The following SPAG16 variants were observed in gnomAD, a reference collection of about 807,000 sequenced individuals.
SPAG16 encodes the protein sperm-associated antigen 16 protein.
A neutral mutation model predicts 80.4 loss-of-function variants in SPAG16; 86 were observed. That is an observed-to-expected ratio of 1.07 (90% CI 0.90 to 1.28). The LOEUF is 1.28. Ranked by LOEUF, SPAG16 falls within the 50% of genes most tolerant of loss-of-function variation. SPAG16 has a pLI of 0.00. For synonymous variants in SPAG16, 294 were observed against 265.9 expected, an observed-to-expected ratio of 1.11 and a Z score of -1.03; for missense variants, 870 against 765.3, an observed-to-expected ratio of 1.14 and a Z score of -1.61.
chr2:213,374,414 G>A (rs1167415133), intron 8 of SPAG16, among the ~76,000 whole-genome samples: 1 of 151,946 alleles, frequency 6.6e-6, no homozygotes. Flanking sequence ...GTGGAAATAT[G>A]TGTACTTATA....
intron 12 of SPAG16, among the ~76,000 whole-genome samples, chr2:213,964,300 AATC>A (rs1158631292): frequency 1.3e-5 from 2 of 152,138 alleles, no homozygotes; most frequent in Non-Finnish European, 2.9e-5. Flanking sequence ...TACCTTTTAT[AATC>A]ATCTCTATTT....
intron 15 of SPAG16, among the ~76,000 whole-genome samples, chr2:214,408,398 G>A (rs1702115756): frequency 6.6e-6 from 1 of 152,118 alleles, no homozygotes; most frequent in Admixed American, 6.6e-5. Context: ...TGTCAGCAAA[G>A]ACTTAGTAGA....
At chr2:213,344,527 C>A (rs547808742) in intron 6 of SPAG16, among the ~76,000 whole-genome samples, 1 of 152,270 alleles carries the variant, frequency 6.6e-6, no homozygotes, top group East Asian at 1.9e-4. Context: ...TATCCCTCTC[C>A]ACTTCCCACA....
intron 10 of SPAG16, among the ~76,000 whole-genome samples, chr2:213,522,473 G>A: frequency 6.6e-6 from 1 of 152,192 alleles, no homozygotes. Context: ...CAAAGCCTCA[G>A]GCAATCCAGT....
chr2:214,401,681 T>G (rs541140056), intron 15 of SPAG16, among the ~76,000 whole-genome samples: 4 of 152,012 alleles, frequency 2.6e-5, no homozygotes, highest in African/African-American at 7.2e-5. Context: ...TGCTTCTATT[T>G]CTTATAACAA....
intron 10 of SPAG16, among the ~76,000 whole-genome samples, chr2:213,603,572 C>T (rs369398147): frequency 1.3e-5 from 2 of 152,142 alleles, no homozygotes; most frequent in Non-Finnish European, 2.9e-5. Flanking sequence ...TTGCTTTTTA[C>T]ACTTAGATCT....
chr2:213,402,661 G>T (rs948365719), intron 9 of SPAG16, among the ~76,000 whole-genome samples: 13 of 150,824 alleles, frequency 8.6e-5, no homozygotes, highest in African/African-American at 3.2e-4. Flanking sequence ...CCACTTATGA[G>T]TGAGAACATG....
chr2:214,063,614 T>C (rs1490504132), intron 13 of SPAG16, among the ~76,000 whole-genome samples: 1 of 152,138 alleles, frequency 6.6e-6, no homozygotes, highest in Non-Finnish European at 1.5e-5. Context: ...TACTATCACA[T>C]GAGCAATTAG....
intron 15 of SPAG16, among the ~76,000 whole-genome samples, chr2:214,190,639 G>A (rs1372167418): frequency 6.6e-6 from 1 of 152,040 alleles, no homozygotes; most frequent in Non-Finnish European, 1.5e-5. Context: ...ACCCCCAAAT[G>A]TGATGGTTTT....
chr2:214,302,697 G>GGACTT lies in SPAG16; in HGVS notation c.1721-107440_1721-107436dup, dbSNP rs546866523. Among the ~76,000 whole-genome samples the GGACTT allele has an allele frequency of 2.1e-3, 322 of 152,234 alleles. 4 individuals are homozygous for GGACTT. The highest frequency in any genetic ancestry group is 7.4e-3 in the African/African-American group (306 of 41,540). On this transcript the variant is annotated intron_variant, in intron 15 of 15. Coordinates refer to ENST00000331683, the MANE Select transcript of SPAG16 (RefSeq NM_024532.5). ...GGGGTTTTGCCATGTTGGCCAGGCTGGACTTGAACTCCTGACCTCAAGTGA... is the reference window on the plus strand; with the variant it reads ...GGGGTTTTGCCATGTTGGCCAGGCTGGACTTGACTTGAACTCCTGACCTCAAGTGA...
At chr2:213,615,276 T>G (rs1420615078) in intron 10 of SPAG16, among the ~76,000 whole-genome samples, 2 of 152,248 alleles carry the variant, frequency 1.3e-5, no homozygotes, top group African/African-American at 4.8e-5. Flanking sequence ...TCTTGAGATT[T>G]TGCTCATTGT....
At chr2:213,444,148 G>C (rs568623625) in intron 9 of SPAG16, among the ~76,000 whole-genome samples, 1 of 152,182 alleles carries the variant, frequency 6.6e-6, no homozygotes, top group Non-Finnish European at 1.5e-5. Flanking sequence ...TGTTTTCAGA[G>C]TCAGGTGAAT....
chr2:213,401,778 G>C (rs900349167), intron 9 of SPAG16, among the ~76,000 whole-genome samples: 6 of 151,650 alleles, frequency 4.0e-5, no homozygotes, highest in Non-Finnish European at 8.8e-5. Flanking sequence ...CTTATTTTTT[G>C]CTTTATGTTA....
At position 214,338,108 on chromosome 2, in the gene SPAG16, T is replaced by C. The variant is rs185917620; in HGVS notation, c.1721-72032T>C. Among the ~76,000 whole-genome samples, 3 of 152,346 alleles carry C rather than the reference T, an allele frequency of 2.0e-5. No individual in the cohort carries two copies. In the East Asian group the frequency reaches 5.8e-4, roughly 29 times the overall value. On this transcript the variant is annotated intron_variant, in intron 15 of 15. Coordinates refer to ENST00000331683, the MANE Select transcript of SPAG16 (RefSeq NM_024532.5). ...GTTAGCTAATTCTATTTGTAAGCCA[T>C]TCAGTTTAGCATATCCACTACAAAT...
chr2:214,392,318 G>A (rs971143423), intron 15 of SPAG16, among the ~76,000 whole-genome samples: 1 of 151,958 alleles, frequency 6.6e-6, no homozygotes, highest in African/African-American at 2.4e-5. Context: ...ACCACACCTG[G>A]CTAATTTTTG....
At position 213,556,071 on chromosome 2, in the gene SPAG16, A is replaced by G. The variant is rs955065611; in HGVS notation, c.1070+65981A>G. On this transcript the variant is annotated intron_variant, in intron 10 of 15. Coordinates refer to ENST00000331683, the MANE Select transcript of SPAG16 (RefSeq NM_024532.5). ...TTTTGGTAAGCAAAATGCAAAACCT[A>G]TAGTAGATACTCAAAAGATTAAAAG... Among the ~76,000 whole-genome samples the G allele has an allele frequency of 3.3e-5, 5 of 152,132 alleles. No homozygotes were observed. The East Asian group carries it at 9.6e-4, about 29-fold the overall frequency.
At chr2:213,786,332 T>C (rs1358167179) in intron 10 of SPAG16, among the ~76,000 whole-genome samples, 1 of 152,190 alleles carries the variant, frequency 6.6e-6, no homozygotes, top group Non-Finnish European at 1.5e-5. Context: ...GGAGTTTAAG[T>C]GGTGACTTTG....
intron 11 of SPAG16, among the ~76,000 whole-genome samples, chr2:213,873,945 C>A (rs1181345980): frequency 6.6e-6 from 1 of 152,070 alleles, no homozygotes; most frequent in African/African-American, 2.4e-5. Flanking sequence ...TAGCATATTG[C>A]CATTGCTATT....
intron 12 of SPAG16, among the ~76,000 whole-genome samples, chr2:214,011,196 T>C (rs1395180030): frequency 6.9e-6 from 1 of 145,830 alleles, no homozygotes; most frequent in East Asian, 2.0e-4. Flanking sequence ...ACTACAGTAA[T>C]TATACTAATA....
Sources: allele counts gnomAD v4.1 joint callset (sites outside exome capture counted in the v4.1 genomes callset), GRCh38; gene constraint gnomAD v4.1.1; transcripts MANE v1.5; gene names NCBI Gene and HGNC (gene_info 2026-07-23, HGNC 2026-07-21).